Variants in AK4 observed in about 807,000 individuals in gnomAD.
AK4 encodes the protein adenylate kinase 4, mitochondrial.
AK4 carries 13 observed loss-of-function variants against 24.6 expected under a neutral mutation model. That is an observed-to-expected ratio of 0.53 (90% CI 0.34 to 0.84). The LOEUF (loss-of-function observed/expected upper bound fraction) is 0.84, where lower values mean the gene tolerates loss of function less well. AK4 is among the 40% of genes least tolerant of loss of function. The pLI is 0.01. For synonymous variants in AK4, 88 were observed against 107.0 expected, an observed-to-expected ratio of 0.82 and a Z score of 1.10; for missense variants, 192 against 288.2, an observed-to-expected ratio of 0.67 and a Z score of 2.42.
intron 2 of AK4, among the ~76,000 whole-genome samples, chr1:65,202,866 C>CTGTTTTTTT (rs1651703791): frequency 1.1e-5 from 1 of 91,814 alleles, no homozygotes; most frequent in Non-Finnish European, 1.9e-5. Flanking sequence ...GCTGTGTAGT[C>CTGTTTTTTT]TTTTTTTTTT....
rs149823142 is a variant in AK4 at position 65,196,663 on chromosome 1, A to G, written c.265+5834A>G. 2.6e-5 allele frequency among the ~76,000 whole-genome samples: 4 copies of G among 152,050 alleles called. No homozygotes were observed. In the East Asian group the frequency reaches 7.7e-4, roughly 29 times the overall value. On this transcript the variant is annotated intron_variant, in intron 2 of 4. Transcript: ENST00000327299. ...GTATTTTTAGTAGAGATGGGGTTGC[A>G]CCATGTTTGCCAGGCTTGTCTTGAA...
intron 1 of AK4, among the ~76,000 whole-genome samples, chr1:65,157,599 C>T (rs557463082): frequency 2.6e-5 from 4 of 152,090 alleles, no homozygotes; most frequent in African/African-American, 7.2e-5. Flanking sequence ...GCTTGGATAA[C>T]GTAGCGAGAC....
chr1:65,168,689 A>C lies in AK4; in HGVS notation c.145+20137A>C, dbSNP rs567413916. ...GGCACACTGTAGCTCAGCCTCATAA[A>C]AGCCTACCTACCATATTTGAGGGTG... is the stretch of plus-strand genomic sequence containing the variant. On this transcript the variant is annotated intron_variant, in intron 1 of 4. Transcript: ENST00000327299. 5.9e-5 allele frequency among the ~76,000 whole-genome samples: 9 copies of C among 152,304 alleles called. No homozygotes were observed. In the South Asian group the frequency reaches 1.9e-3, roughly 32 times the overall value.
chr1:65,212,086 C>T (rs1019838875), intron 2 of AK4, among the ~76,000 whole-genome samples: 1 of 152,088 alleles, frequency 6.6e-6, no homozygotes, highest in Admixed American at 6.6e-5. Flanking sequence ...GGCACGGAGA[C>T]GTGGACAGAG....
intron 1 of AK4, among the ~76,000 whole-genome samples, chr1:65,155,441 C>T (rs1281482186): frequency 1.3e-5 from 2 of 151,944 alleles, no homozygotes; most frequent in Non-Finnish European, 2.9e-5. Context: ...CCACTGTACT[C>T]CATCCTGGAC....
intron 2 of AK4, among the ~76,000 whole-genome samples, chr1:65,204,011 T>C (rs1570124441): frequency 6.6e-6 from 1 of 152,052 alleles, no homozygotes; most frequent in Admixed American, 6.6e-5. Flanking sequence ...ATGATCACTA[T>C]AAAACATCCA....
chr1:65,222,653 C>T (rs1570147319), intron 3 of AK4, among the ~76,000 whole-genome samples: 1 of 152,166 alleles, frequency 6.6e-6, no homozygotes, highest in East Asian at 1.9e-4. Context: ...TCTCCCATCC[C>T]CATCTCTCTT....
At chr1:65,155,839 T>G (rs1649963935) in intron 1 of AK4, among the ~76,000 whole-genome samples, 1 of 146,882 alleles carries the variant, frequency 6.8e-6, no homozygotes, top group African/African-American at 2.7e-5. Flanking sequence ...CTGGCTTAAT[T>G]TTTTGTATTT....
intron 1 of AK4, among the ~76,000 whole-genome samples, chr1:65,189,638 G>A (rs1651225383): frequency 6.8e-6 from 1 of 147,060 alleles, no homozygotes; most frequent in South Asian, 2.2e-4. Flanking sequence ...TTCATTTGTG[G>A]TAAAACACAT....
At chr1:65,170,370 A>G (rs1051284300) in intron 1 of AK4, among the ~76,000 whole-genome samples, 6 of 151,420 alleles carry the variant, frequency 4.0e-5, no homozygotes, top group Middle Eastern at 3.4e-3. Context: ...TCCGTCTCAC[A>G]CACACACACA....
intron 2 of AK4, among the ~76,000 whole-genome samples, chr1:65,205,855 CTTTTA>C (rs1170208124): frequency 3.9e-5 from 6 of 152,116 alleles, no homozygotes; most frequent in Non-Finnish European, 7.4e-5. Flanking sequence ...ACACTCATAT[CTTTTA>C]TTTTGAGGGC....
chr1:65,186,825 G>A (rs1265062019), intron 1 of AK4, among the ~76,000 whole-genome samples: 1 of 152,028 alleles, frequency 6.6e-6, no homozygotes, highest in Admixed American at 6.6e-5. Flanking sequence ...TATTACCCAA[G>A]AGAACTGAAA....
At chr1:65,224,610 T>C in intron 3 of AK4, 142 bp from the exon 4 acceptor site, 1 of 661,432 alleles carries the variant, frequency 1.5e-6, no homozygotes, top group Non-Finnish European at 2.7e-6. Flanking sequence ...TCTACTACTC[T>C]TAAAATTACC....
chr1:65,168,335 G>A (rs760875241), intron 1 of AK4, among the ~76,000 whole-genome samples: 8 of 151,962 alleles, frequency 5.3e-5, no homozygotes, highest in African/African-American at 4.8e-5. Flanking sequence ...TAGTAGAGAC[G>A]AGGTTTCACC....
chr1:65,169,186 A>G (rs937956010), intron 1 of AK4, among the ~76,000 whole-genome samples: 3 of 151,862 alleles, frequency 2.0e-5, no homozygotes, highest in Non-Finnish European at 4.4e-5. Flanking sequence ...AAAAAAAAAA[A>G]AAAAAAGAAA....
intron 2 of AK4, among the ~76,000 whole-genome samples, chr1:65,212,370 C>T (rs1030940694): frequency 6.6e-6 from 1 of 151,710 alleles, no homozygotes. Context: ...GATCTCAGTG[C>T]ACTGCAACCT....
At chr1:65,204,893 C>T (rs1331720228) in intron 2 of AK4, among the ~76,000 whole-genome samples, 5 of 152,156 alleles carry the variant, frequency 3.3e-5, no homozygotes, top group African/African-American at 1.2e-4. Context: ...CACCTCTACT[C>T]ATTTTATTTT....
intron 2 of AK4, among the ~76,000 whole-genome samples, chr1:65,205,473 A>G (rs936307425): frequency 6.6e-6 from 1 of 152,130 alleles, no homozygotes; most frequent in Admixed American, 6.5e-5. Context: ...GGCTCAAGCA[A>G]TCTTCCTGCC....
rs776031990 is a variant in AK4, at chr1:65,226,173, A to G, written c.668A>G (p.Tyr223Cys). The change falls in exon 5 of 5, where the codon TAT becomes TGT. Residue 223 changes from tyrosine to cysteine, a missense_variant. Transcript: ENST00000327299. ...KITPIQSKEA[Y>C] ...ACACCTATTCAGTCCAAAGAAGCAT[A>G]TTGACCCTGCCCAATGGAAGAACCA... is the stretch of plus-strand genomic sequence containing the variant. The G allele has an allele frequency of 6.2e-6, 10 of 1,603,418 alleles. No homozygotes were observed. Among genetic ancestry groups the G allele is most frequent in the Non-Finnish European group, 7.7e-6 (9 of 1,173,974 alleles).
Sources: allele counts gnomAD v4.1 joint callset (sites outside exome capture counted in the v4.1 genomes callset), GRCh38; gene constraint gnomAD v4.1.1; transcripts MANE v1.5; gene names NCBI Gene and HGNC (gene_info 2026-07-23, HGNC 2026-07-21).